CD300A: variants seen among roughly 807,000 people sequenced by gnomAD.
CD300A encodes the protein CMRF35-like molecule 8.
A neutral mutation model predicts 33.6 loss-of-function variants in CD300A; 22 were observed. That is an observed-to-expected ratio of 0.66 (90% CI 0.47 to 0.94). CD300A has a LOEUF of 0.94. Among genes scored for constraint, CD300A ranks in the 40% least tolerant of loss-of-function variants. The pLI is 0.00. For synonymous variants in CD300A, 136 were observed against 148.1 expected (o/e 0.92, Z 0.59); for missense variants, 326 against 360.5 (o/e 0.90, Z 0.77).
At chr17:74,477,609 G>A in intron 4 of CD300A, 79 bp downstream of exon 4, 1 of 883,986 alleles carries the variant, frequency 1.1e-6, no homozygotes, top group Non-Finnish European at 1.8e-6. Flanking sequence ...TCAAAGCTAT[G>A]TCCACGTCCC....
At chr17:74,477,384 A>C (rs776718740) in intron 3 of CD300A, 52 bp from the exon 4 acceptor site, 4 of 1,167,786 alleles carry the variant, frequency 3.4e-6, no homozygotes, top group Non-Finnish European at 5.0e-6. Context: ...ATAAAAAAGT[A>C]AGTTGGAGAA....
chr17:74,466,911 C>T (rs1239400783), intron 1 of CD300A, 168 bp downstream of exon 1: 39 of 1,462,106 alleles, frequency 2.7e-5, no homozygotes, highest in Non-Finnish European at 3.3e-5. Context: ...GGTCCACACC[C>T]CTGGGAGAGG....
chr17:74,479,556 G>A (rs891713314), intron 4 of CD300A, among the ~76,000 whole-genome samples: 6 of 152,142 alleles, frequency 3.9e-5, no homozygotes, highest in African/African-American at 9.6e-5. Flanking sequence ...TAACAAATTG[G>A]CCTCATACCA....
At chr17:74,473,914 T>A in intron 2 of CD300A, 40 bp downstream of exon 2, 1 of 1,583,444 alleles carries the variant, frequency 6.3e-7, no homozygotes, top group Non-Finnish European at 8.6e-7. Flanking sequence ...TAGGCTCAGG[T>A]TGGAATTGTT....
rs1906754355 is a variant in CD300A at position 74,480,356 on chromosome 17, C to T, written c.629-933C>T. ...TGGACCTAACCAAGGGCATCAGCAG[C>T]GTGTGTGTCACCCGCTGCCCACGTG... On this transcript the variant is annotated intron_variant, in intron 4 of 6. Coordinates refer to ENST00000360141, the MANE Select transcript of CD300A (RefSeq NM_007261.4). This position sits in a 1 kb window ranked among gnomAD's most constrained non-coding sequence, Gnocchi z 4.2. Among the ~76,000 whole-genome samples, 1 of 152,116 alleles carries T rather than the reference C, an allele frequency of 6.6e-6. No homozygotes were observed. The highest frequency in any genetic ancestry group is 1.5e-5 in the Non-Finnish European group (1 of 68,002).
intron 6 of CD300A, 129 bp downstream of exon 6, chr17:74,481,962 A>T: frequency 1.6e-6 from 1 of 631,048 alleles, no homozygotes. Context: ...ACAGGGCCAC[A>T]TGGAGATGGA....
chr17:74,470,242 G>A, intron 1 of CD300A: 1 of 985,346 alleles, frequency 1.0e-6, no homozygotes, highest in Non-Finnish European at 1.2e-6. Flanking sequence ...GATCGTTCCA[G>A]GTAAGTGGGG....
intron 1 of CD300A, 136 bp from the exon 2 acceptor site, chr17:74,473,400 C>T (rs898233767): frequency 1.3e-6 from 1 of 776,520 alleles, no homozygotes; most frequent in East Asian, 2.5e-5. Flanking sequence ...CCTCAGTCCC[C>T]GCTCCTGGGT....
In CD300A at chr17:74,481,325, A is replaced by G. The variant is rs1192194401; in HGVS notation, c.665A>G (p.Gln222Arg). ...TCAGAGCTGTCCCAGAACCCCAAGC[A>G]GGTAAGGGGGCTTTAGCAGGAGGTG... ...DHSELSQNPKQAATQSELHYA... is the reference protein window; with the variant it reads ...DHSELSQNPKRAATQSELHYA... Residue 222 changes from glutamine to arginine, a missense_variant and splice_region_variant, in exon 5 of 7, where the codon CAG becomes CGG. Gln to Arg is a conservative substitution (Grantham distance 43, BLOSUM62 1). Transcript: ENST00000360141. 1 of 1,613,842 alleles carries G rather than the reference A, an allele frequency of 6.2e-7. No individual in the cohort carries two copies. Among genetic ancestry groups the G allele is most frequent in the Non-Finnish European group, 8.5e-7 (1 of 1,179,890 alleles).
In CD300A at chr17:74,466,649, G is replaced by C. The variant is rs941120684; in HGVS notation, c.-55G>C. Reference sequence around the variant, plus strand: ...CCTTGGAGGCGTGACTTTCCCCTCGGGTCCAGGTAGGGCCTGGAGCTGCTG... The same window carrying C: ...CCTTGGAGGCGTGACTTTCCCCTCGCGTCCAGGTAGGGCCTGGAGCTGCTG... On this transcript the variant is annotated 5_prime_UTR_variant, in exon 1 of 7. Transcript: ENST00000360141. 36 of 1,558,922 alleles carry C rather than the reference G, an allele frequency of 2.3e-5. No homozygotes were observed. The East Asian group carries it at 8.5e-4, about 37-fold the overall frequency.
chr17:74,475,828 C>G (rs1047196987), intron 3 of CD300A, among the ~76,000 whole-genome samples: 2 of 152,210 alleles, frequency 1.3e-5, no homozygotes, highest in Non-Finnish European at 2.9e-5. Flanking sequence ...TTCCCAGGAC[C>G]CCCCCAGGTT....
chr17:74,470,572 C>G (rs955249228), intron 1 of CD300A, among the ~76,000 whole-genome samples: 3 of 151,994 alleles, frequency 2.0e-5, no homozygotes, highest in African/African-American at 7.3e-5. Flanking sequence ...GATTCGCAGC[C>G]CAGGAGAGGC....
At chr17:74,482,308 G>T (rs1906912492) in intron 6 of CD300A, among the ~76,000 whole-genome samples, 1 of 151,948 alleles carries the variant, frequency 6.6e-6, no homozygotes, top group African/African-American at 2.4e-5. Flanking sequence ...TCAAGCAGAA[G>T]CTGGGGGTCA....
In CD300A at chr17:74,484,184, C is replaced by CTT; in HGVS notation, c.*59_*60insTT. The CTT allele has an allele frequency of 6.3e-7, 1 of 1,588,734 alleles. No individual in the cohort carries two copies. The highest frequency in any genetic ancestry group is 2.3e-5 in the East Asian group (1 of 44,432). ...TGGGCCCCAGGAAGTCCAGGGACAG[C>CTT]TCCCTTATACCTGGCCCACGTCCTT... On this transcript the variant is annotated 3_prime_UTR_variant, in exon 7 of 7. Transcript: ENST00000360141.
chr17:74,479,186 A>T (rs889066117), intron 4 of CD300A, among the ~76,000 whole-genome samples: 2 of 152,090 alleles, frequency 1.3e-5, no homozygotes, highest in Non-Finnish European at 2.9e-5. Context: ...CCCCTGAGGT[A>T]TATCCTTCCA....
intron 1 of CD300A, chr17:74,467,026 A>G (rs1905756735): frequency 7.6e-7 from 1 of 1,316,844 alleles, no homozygotes; most frequent in African/African-American, 1.5e-5. Context: ...TTAGGTTTTC[A>G]GTTGAATTCT....
chr17:74,470,283 A>T, intron 1 of CD300A: 2 of 929,242 alleles, frequency 2.2e-6, no homozygotes, highest in Non-Finnish European at 2.5e-6. Flanking sequence ...GACACTTCGC[A>T]ATCTCTAAAT....
intron 6 of CD300A, among the ~76,000 whole-genome samples, chr17:74,482,269 G>T (rs143276559): frequency 4.6e-5 from 7 of 152,100 alleles, no homozygotes; most frequent in Non-Finnish European, 1.0e-4. Flanking sequence ...TGCCTCCCTG[G>T]GTCGTGACCC....
chr17:74,478,863 G>T (rs1415930326), intron 4 of CD300A, among the ~76,000 whole-genome samples: 1 of 152,214 alleles, frequency 6.6e-6, no homozygotes, highest in East Asian at 1.9e-4. Flanking sequence ...TCTGTGCAGG[G>T]TGTATGGGAA....
Sources: allele counts gnomAD v4.1 joint callset (sites outside exome capture counted in the v4.1 genomes callset), GRCh38; gene constraint gnomAD v4.1.1; non-coding constraint Gnocchi (gnomAD v3.1); transcripts MANE v1.5; gene names NCBI Gene and HGNC (gene_info 2026-07-23, HGNC 2026-07-21).